The following SERF2 variants were observed in gnomAD, a reference collection of about 807,000 sequenced individuals.
The protein encoded by SERF2 is gastric cancer-related protein VRG107.
In SERF2, 4 loss-of-function variants were observed where a neutral mutation model predicts 10.7. The observed-to-expected ratio is 0.37, with a 90% CI of 0.18 to 0.86. The LOEUF (loss-of-function observed/expected upper bound fraction) is 0.86, where lower values mean the gene tolerates loss of function less well. Among genes scored for constraint, SERF2 ranks in the 40% least tolerant of loss-of-function variants. The pLI, the probability that SERF2 is intolerant of heterozygous loss-of-function variation, is 0.43. For synonymous variants in SERF2, 26 were observed against 26.0 expected, an observed-to-expected ratio of 1.00 and a Z score of 0.01; for missense variants, 47 against 79.1, an observed-to-expected ratio of 0.59 and a Z score of 1.54.
intron 2 of SERF2, among the ~76,000 whole-genome samples, chr15:43,786,328 T>C (rs1282871897): frequency 1.4e-5 from 2 of 145,456 alleles, no homozygotes; most frequent in Admixed American, 1.4e-4. Flanking sequence ...GGCAGGAGAA[T>C]GGTATGAGCC....
intron 2 of SERF2, among the ~76,000 whole-genome samples, chr15:43,786,250 C>A (rs529613841): frequency 2.0e-3 from 297 of 151,538 alleles, no homozygotes; most frequent in Admixed American, 4.9e-3. Flanking sequence ...CCTGTCTCTA[C>A]TAAAAATACA....
intron 1 of SERF2, among the ~76,000 whole-genome samples, chr15:43,780,301 G>A (rs2086954235): frequency 2.0e-5 from 3 of 146,728 alleles, no homozygotes; most frequent in Admixed American, 6.8e-5. Context: ...CACCACGCCC[G>A]GCTAATTTTT....
intron 1 of SERF2, among the ~76,000 whole-genome samples, chr15:43,782,809 T>G (rs1362535593): frequency 6.6e-6 from 1 of 152,120 alleles, no homozygotes; most frequent in Non-Finnish European, 1.5e-5. Flanking sequence ...ACAAATCCTT[T>G]GAGACTTTGC....
intron 1 of SERF2, among the ~76,000 whole-genome samples, chr15:43,782,184 C>T (rs1042230533): frequency 1.3e-5 from 2 of 152,228 alleles, no homozygotes; most frequent in South Asian, 2.1e-4. Flanking sequence ...CCACCATGCC[C>T]GACCCTACTT....
Position 43,795,835 on chromosome 15 carries a change from G to A in SERF2, c.*2062G>A. The A allele has an allele frequency of 8.0e-7, 1 of 1,252,164 alleles. No homozygotes were observed. The highest frequency in any genetic ancestry group is 1.1e-6 in the Non-Finnish European group (1 of 896,666). 77.6% of individuals were successfully genotyped at this position (1,252,164 alleles called of 1,614,324 possible). On this transcript the variant is annotated 3_prime_UTR_variant, in exon 3 of 3. Transcript: ENST00000249786. ...GAAAAGATTGGTCTAGTATTAAAAA[G>A]TGGAGGCACACCTGGGTTCAAATTC...
intron 1 of SERF2, among the ~76,000 whole-genome samples, chr15:43,783,219 G>C (rs1207533968): frequency 6.6e-6 from 1 of 151,972 alleles, no homozygotes; most frequent in Non-Finnish European, 1.5e-5. Context: ...CATTGGTCAG[G>C]ATGGTCTCAA....
At position 43,795,847 on chromosome 15, in the gene SERF2, C is replaced by G. The variant is rs1356657755; in HGVS notation, c.*2074C>G. On this transcript the variant is annotated 3_prime_UTR_variant, in exon 3 of 3. Transcript: ENST00000249786. ...CTAGTATTAAAAAGTGGAGGCACAC[C>G]TGGGTTCAAATTCTAGCTCCAGCAT... is the stretch of plus-strand genomic sequence containing the variant. 3 of 1,115,346 alleles carry G rather than the reference C, an allele frequency of 2.7e-6. No individual in the cohort carries two copies. The highest frequency in any genetic ancestry group is 3.8e-6 in the Non-Finnish European group (3 of 784,746). 69.1% of individuals were successfully genotyped at this position (1,115,346 alleles called of 1,614,324 possible). A position where few individuals can be genotyped will look rare whatever the true frequency, so the allele number is the denominator to read the frequency against.
upstream of SERF2, among the ~76,000 whole-genome samples, chr15:43,790,854 C>T (rs79300792): frequency 4.3e-3 from 633 of 146,154 alleles, 35 homozygotes; most frequent in East Asian, 0.12. Context: ...AGCTGCTGCT[C>T]CTGGGTTCAC....
upstream of SERF2, among the ~76,000 whole-genome samples, chr15:43,790,177 C>T (rs934806449): frequency 1.3e-5 from 2 of 149,058 alleles, no homozygotes; most frequent in African/African-American, 2.5e-5. Context: ...GGCGTGGTGG[C>T]GGGTGCCTGT....
intron 1 of SERF2, chr15:43,777,962 ACAT>A (rs1295527111): frequency 8.7e-6 from 1 of 114,346 alleles, no homozygotes; most frequent in Non-Finnish European, 1.8e-5. Flanking sequence ...AAAAAAAAAT[ACAT>A]TTTTTTTTTT....
chr15:43,791,536 T>C (rs969403516), upstream of SERF2, among the ~76,000 whole-genome samples: 1 of 152,146 alleles, frequency 6.6e-6, no homozygotes, highest in African/African-American at 2.4e-5. Flanking sequence ...CGCCCGGCCC[T>C]CCAGGGTCTT....
upstream of SERF2, among the ~76,000 whole-genome samples, chr15:43,789,841 C>G (rs185871698): frequency 1.3e-5 from 2 of 151,814 alleles, no homozygotes; most frequent in African/African-American, 4.8e-5. Context: ...AACCCTGTCT[C>G]TACTAAAAAA....
In SERF2 at chr15:43,795,635, A is replaced by AT; in HGVS notation, c.*1863dup. Reference sequence around the variant, plus strand: ...TTTGTTAAGGCTCTTGAGGGTTCTTATGGCACTCCACAGAGATCTACCACT... The same window carrying AT: ...TTTGTTAAGGCTCTTGAGGGTTCTTATTGGCACTCCACAGAGATCTACCACT... On this transcript the variant is annotated 3_prime_UTR_variant, in exon 3 of 3. Transcript: ENST00000249786. The AT allele has an allele frequency of 6.2e-7, 1 of 1,610,256 alleles. No homozygotes were observed.
intron 1 of SERF2, among the ~76,000 whole-genome samples, chr15:43,783,927 ATTTTTTTTTTTTTTTT>A (rs71111825): frequency 2.1e-5 from 1 of 48,140 alleles, no homozygotes; most frequent in African/African-American, 7.5e-5. Context: ...ACGCCCAGCT[ATTTTTTTTTTTTTTTT>A]TTTTTTTTTT....
chr15:43,788,729 C>G (rs1174320632), upstream of SERF2, among the ~76,000 whole-genome samples: 1 of 152,198 alleles, frequency 6.6e-6, no homozygotes, highest in Non-Finnish European at 1.5e-5. Flanking sequence ...GGGTTAGACT[C>G]TCAGCTCCAC....
At chr15:43,792,574 C>T (rs893646992) in intron 1 of SERF2, 191 bp downstream of exon 1, 10 of 1,470,612 alleles carry the variant, frequency 6.8e-6, no homozygotes, top group Non-Finnish European at 9.0e-6. Context: ...GGACCACCCT[C>T]CCGGGTTAGG....
chr15:43,791,166 C>A (rs1299814826), upstream of SERF2, among the ~76,000 whole-genome samples: 1 of 150,850 alleles, frequency 6.6e-6, no homozygotes, highest in African/African-American at 2.4e-5. Flanking sequence ...CTCCATCTAC[C>A]GGGTTCACGC....
At chr15:43,779,208 G>A (rs1052459774) in intron 1 of SERF2, among the ~76,000 whole-genome samples, 1 of 151,972 alleles carries the variant, frequency 6.6e-6, no homozygotes, top group Admixed American at 6.6e-5. Flanking sequence ...TTAGGTAGAT[G>A]TGGTGGGAGT....
rs778437348 is a variant in SERF2, at chr15:43,792,368, G to A, written c.-9G>A. 2 of 1,611,102 alleles carry A rather than the reference G, an allele frequency of 1.2e-6. No homozygotes were observed. The highest frequency in any genetic ancestry group is 1.3e-5 in the African/African-American group (1 of 74,884). On this transcript the variant is annotated 5_prime_UTR_variant, in exon 1 of 3. Transcript: ENST00000249786. ...GTAACGGAGGCAGGTTGGAGCCGCT[G>A]CCGTCGCCATGACCCGTGAGCACCG...
Sources: gnomAD v4.1 joint callset for allele counts (sites outside exome capture counted in the v4.1 genomes callset) on GRCh38, gnomAD v4.1.1 for gene constraint, MANE v1.5 for transcripts, NCBI Gene and HGNC (gene_info 2026-07-23, HGNC 2026-07-21) for gene names.